The following PARD3B variants were observed in gnomAD, a reference collection of about 807,000 sequenced individuals.
PARD3B encodes par-3 family cell polarity regulator beta.
A neutral mutation model predicts 130.2 loss-of-function variants in PARD3B; 103 were observed. The observed-to-expected ratio is 0.79, with a 90% confidence interval of 0.67 to 0.93. The LOEUF is 0.93. PARD3B is among the 40% of genes least tolerant of loss of function. PARD3B has a pLI of 0.00. For synonymous variants in PARD3B, 583 were observed against 553.2 expected (o/e 1.05, Z -0.76); for missense variants, 1,609 against 1,499.2 (o/e 1.07, Z -1.21).
At chr2:204,738,758 C>T (rs185168150) in intron 2 of PARD3B, among the ~76,000 whole-genome samples, 30 of 152,292 alleles carry the variant, frequency 2.0e-4, no homozygotes, top group Admixed American at 1.8e-3. Flanking sequence ...CCCCAATTCT[C>T]TCTTGCATTT....
At chr2:204,572,737 A>G (rs1005352649) in intron 1 of PARD3B, among the ~76,000 whole-genome samples, 1 of 152,210 alleles carries the variant, frequency 6.6e-6, no homozygotes, top group African/African-American at 2.4e-5. Flanking sequence ...TAAAAATCAG[A>G]AAGCTAACTA....
intron 18 of PARD3B, among the ~76,000 whole-genome samples, chr2:205,338,124 G>A (rs547419577): frequency 7.5e-6 from 1 of 132,940 alleles, no homozygotes; most frequent in Admixed American, 8.3e-5. Flanking sequence ...GTGCTCTCCA[G>A]CCTGGGCAAC....
At chr2:204,855,661 T>C (rs759756568) in intron 2 of PARD3B, among the ~76,000 whole-genome samples, 24 of 152,002 alleles carry the variant, frequency 1.6e-4, no homozygotes, top group Non-Finnish European at 3.4e-4. Context: ...TCCAGTCTAA[T>C]GAAACTTTGT....
intron 7 of PARD3B, among the ~76,000 whole-genome samples, chr2:205,120,051 G>A (rs181709746): frequency 1.1e-3 from 165 of 152,194 alleles, no homozygotes; most frequent in South Asian, 7.1e-3. Context: ...TATTGTATGC[G>A]TGTTTGTGGA....
intron 19 of PARD3B, among the ~76,000 whole-genome samples, chr2:205,415,702 A>G (rs2046750813): frequency 1.3e-5 from 2 of 152,170 alleles, no homozygotes; most frequent in African/African-American, 2.4e-5. Flanking sequence ...TCTTGCTCAC[A>G]TAAGCTTGAC....
At position 205,558,742 on chromosome 2, in the gene PARD3B, C is replaced by G. The variant is rs2053009759; in HGVS notation, c.3260+5339C>G. On this transcript the variant is annotated intron_variant, in intron 22 of 22. Transcript: ENST00000406610. The surrounding 1 kb of genome is among the most constrained non-coding windows in gnomAD (Gnocchi z 4.8). Reference sequence around the variant, plus strand: ...GATGATTCCAAAAGTACCTGCCTAACATTCATGTCCCACTCTTGTGACCCC... The same window carrying G: ...GATGATTCCAAAAGTACCTGCCTAAGATTCATGTCCCACTCTTGTGACCCC... Among the ~76,000 whole-genome samples, 1 of 152,170 alleles carries G rather than the reference C, an allele frequency of 6.6e-6. No homozygotes were observed. Among genetic ancestry groups the G allele is most frequent in the African/African-American group, 2.4e-5 (1 of 41,434 alleles).
At chr2:204,823,189 T>C (rs928072023) in intron 2 of PARD3B, among the ~76,000 whole-genome samples, 1 of 152,094 alleles carries the variant, frequency 6.6e-6, no homozygotes, top group Non-Finnish European at 1.5e-5. Context: ...CTGGGGTTAG[T>C]GAAAGAACAA....
intron 20 of PARD3B, among the ~76,000 whole-genome samples, chr2:205,465,475 T>C (rs949602931): frequency 1.3e-5 from 2 of 152,234 alleles, no homozygotes; most frequent in East Asian, 3.8e-4. Context: ...TTGCTTTCTA[T>C]AAAACTCGAT....
intron 1 of PARD3B, among the ~76,000 whole-genome samples, chr2:204,628,046 C>T (rs188690573): frequency 6.6e-6 from 1 of 151,102 alleles, no homozygotes; most frequent in East Asian, 1.9e-4. Flanking sequence ...ACATGTGGCC[C>T]AAGACAATTC....
intron 2 of PARD3B, among the ~76,000 whole-genome samples, chr2:204,917,485 G>C (rs979419129): frequency 6.6e-6 from 1 of 152,162 alleles, no homozygotes; most frequent in African/African-American, 2.4e-5. Context: ...GGCAACTAGA[G>C]GTATGAGTTG....
chr2:205,117,268 C>A (rs185940767), intron 6 of PARD3B, among the ~76,000 whole-genome samples: 1 of 152,298 alleles, frequency 6.6e-6, no homozygotes, highest in Admixed American at 6.5e-5. Flanking sequence ...CAGAATATGA[C>A]TAATTTGCTA....
chr2:205,477,596 TAAAAA>T (rs35421916), intron 20 of PARD3B, among the ~76,000 whole-genome samples: 1 of 140,688 alleles, frequency 7.1e-6, no homozygotes, highest in Admixed American at 6.9e-5. Flanking sequence ...ATTGCTCTGT[TAAAAA>T]AAAAAATAAG....
intron 1 of PARD3B, among the ~76,000 whole-genome samples, chr2:204,617,128 T>C (rs965048065): frequency 5.9e-5 from 9 of 152,180 alleles, no homozygotes; most frequent in African/African-American, 1.9e-4. Context: ...TGGAAAGCTG[T>C]TGTGATATTA....
intron 16 of PARD3B, among the ~76,000 whole-genome samples, chr2:205,284,074 G>C (rs533513390): frequency 6.6e-6 from 1 of 152,328 alleles, no homozygotes; most frequent in South Asian, 2.1e-4. Context: ...TATTCTAGTA[G>C]CTGACATTAA....
intron 2 of PARD3B, among the ~76,000 whole-genome samples, chr2:204,800,086 G>C (rs561939815): frequency 3.3e-5 from 5 of 152,184 alleles, no homozygotes; most frequent in Non-Finnish European, 1.5e-5. Flanking sequence ...TTCAGACACA[G>C]AATTCAAAAT....
chr2:204,729,682 C>G (rs2039399455), intron 2 of PARD3B, among the ~76,000 whole-genome samples: 1 of 152,062 alleles, frequency 6.6e-6, no homozygotes, highest in South Asian at 2.1e-4. Context: ...GGCAGAGAAC[C>G]ATTTAGAAAA....
At chr2:204,801,847 A>C (rs1030924249) in intron 2 of PARD3B, among the ~76,000 whole-genome samples, 5 of 152,220 alleles carry the variant, frequency 3.3e-5, no homozygotes, top group African/African-American at 9.6e-5. Context: ...TGGGTTTGTC[A>C]TAAATAGCTC....
chr2:205,361,367 T>A (rs530057968), intron 18 of PARD3B, among the ~76,000 whole-genome samples: 1 of 152,266 alleles, frequency 6.6e-6, no homozygotes, highest in Non-Finnish European at 1.5e-5. Flanking sequence ...AAATTTACCT[T>A]CCAAACAAGG....
chr2:205,174,200 C>T (rs1308149360), intron 12 of PARD3B, among the ~76,000 whole-genome samples: 1 of 152,142 alleles, frequency 6.6e-6, no homozygotes, highest in Non-Finnish European at 1.5e-5. Flanking sequence ...GGTAGATTGG[C>T]GTTATTCCAT....
Sources: allele counts gnomAD v4.1 joint callset (sites outside exome capture counted in the v4.1 genomes callset), GRCh38; gene constraint gnomAD v4.1.1; non-coding constraint Gnocchi (gnomAD v3.1); transcripts MANE v1.5; gene names NCBI Gene and HGNC (gene_info 2026-07-23, HGNC 2026-07-21).